Variants in STT3B observed in about 807,000 individuals in gnomAD.
The protein encoded by STT3B is dolichyl-diphosphooligosaccharide--protein glycosyltransferase subunit STT3B.
In STT3B, 29 loss-of-function variants were observed where a neutral mutation model predicts 96.8. That is an observed-to-expected ratio of 0.30 (90% CI 0.22 to 0.41). The LOEUF is 0.41. Ranked by LOEUF, STT3B falls within the 10% of genes least tolerant of loss-of-function variation. The probability of loss-of-function intolerance (pLI) is 1.00; values close to 1 mark genes in which losing one functional copy is unlikely to be tolerated. For synonymous variants in STT3B, 367 were observed against 360.0 expected, an observed-to-expected ratio of 1.02 and a Z score of -0.22; for missense variants, 640 against 1,022.3, an observed-to-expected ratio of 0.63 and a Z score of 5.10.
chr3:31,572,517 G>A (rs1430887240), intron 1 of STT3B, among the ~76,000 whole-genome samples: 1 of 152,094 alleles, frequency 6.6e-6, no homozygotes, highest in African/African-American at 2.4e-5. Flanking sequence ...CAATGTAATT[G>A]TTCTTACTAT....
intron 1 of STT3B, among the ~76,000 whole-genome samples, chr3:31,559,465 C>T (rs918597124): frequency 6.6e-6 from 1 of 151,574 alleles, no homozygotes; most frequent in Non-Finnish European, 1.5e-5. Context: ...CACCCAGTGG[C>T]CATTTGGGAG....
chr3:31,554,826 C>G (rs1185569555), intron 1 of STT3B, among the ~76,000 whole-genome samples: 1 of 152,120 alleles, frequency 6.6e-6, no homozygotes, highest in African/African-American at 2.4e-5. Context: ...ATTTTGCCAG[C>G]TGCTGGTTTT....
rs765539767 is a variant in STT3B at position 31,622,175 on chromosome 3, G to A, written c.1406G>A (p.Cys469Tyr). ...RLMLTLTPVVCMLSAIAFSNV... is the reference protein window; with the variant it reads ...RLMLTLTPVVYMLSAIAFSNV... ...ATGTTGACTTTGACTCCAGTCGTGT[G>A]TATGCTGTCTGCAATTGCCTTTTCA... is the stretch of plus-strand genomic sequence containing the variant. The change falls in exon 10 of 16, where the codon TGT (cysteine) becomes TAT (tyrosine). Residue 469 changes from cysteine (C) to tyrosine (Y), a missense_variant. Cys to Tyr is a radical substitution (Grantham distance 194). Coordinates refer to ENST00000295770, the MANE Select transcript of STT3B (RefSeq NM_178862.3). 1 of 1,614,100 alleles carries A rather than the reference G, an allele frequency of 6.2e-7. No homozygotes were observed. The highest frequency in any genetic ancestry group is 8.5e-7 in the Non-Finnish European group (1 of 1,179,966).
chr3:31,558,163 C>G (rs1235133946), intron 1 of STT3B, among the ~76,000 whole-genome samples: 1 of 152,142 alleles, frequency 6.6e-6, no homozygotes, highest in Non-Finnish European at 1.5e-5. Context: ...AATTTGGATG[C>G]CTTTTACTTT....
rs1699760374 is a variant in STT3B, at chr3:31,636,693, G to GT, written c.*636dup. On this transcript the variant is annotated 3_prime_UTR_variant, in exon 16 of 16. Transcript: ENST00000295770. ...TCTGAGTAGCTAATTGATTCAAGTA[G>GT]TTTTTTTATGTTGACACATTATTAC... 1 of 152,136 alleles carries GT rather than the reference G, an allele frequency of 6.6e-6. No individual in the cohort carries two copies. Among genetic ancestry groups the GT allele is most frequent in the Non-Finnish European group, 1.5e-5 (1 of 68,020 alleles). 9.4% of individuals were successfully genotyped at this position (152,136 alleles called of 1,614,324 possible).
intron 3 of STT3B, among the ~76,000 whole-genome samples, chr3:31,593,875 A>T (rs1698726602): frequency 6.6e-6 from 1 of 152,110 alleles, no homozygotes; most frequent in Admixed American, 6.5e-5. Flanking sequence ...TCTAACTCCA[A>T]CATCTGGGCC....
chr3:31,580,307 G>T (rs926035367), intron 3 of STT3B, among the ~76,000 whole-genome samples: 5 of 152,044 alleles, frequency 3.3e-5, no homozygotes, highest in South Asian at 2.1e-4. Flanking sequence ...AAATAAGTCA[G>T]AACTCCAAAA....
At chr3:31,624,705 G>T (rs1699498660) in intron 11 of STT3B, among the ~76,000 whole-genome samples, 3 of 150,390 alleles carry the variant, frequency 2.0e-5, no homozygotes, top group South Asian at 4.2e-4. Flanking sequence ...AGATATGCAG[G>T]TGGTTTGTGC....
intron 3 of STT3B, among the ~76,000 whole-genome samples, chr3:31,581,091 G>A (rs1698373870): frequency 6.6e-6 from 1 of 152,124 alleles, no homozygotes; most frequent in South Asian, 2.1e-4. Context: ...GATAAAATAT[G>A]TGCAGTATGA....
At chr3:31,552,468 A>T (rs1388850908) in intron 1 of STT3B, among the ~76,000 whole-genome samples, 1 of 152,212 alleles carries the variant, frequency 6.6e-6, no homozygotes. Context: ...CTTTTTAGGA[A>T]TCCTTATTTG....
chr3:31,613,592 GT>G, intron 5 of STT3B, among the ~76,000 whole-genome samples: 1 of 152,090 alleles, frequency 6.6e-6, no homozygotes, highest in East Asian at 1.9e-4. Flanking sequence ...AGCTTTTGCT[GT>G]TAAGTAGTTG....
chr3:31,594,652 C>A (rs1698745925), intron 3 of STT3B, among the ~76,000 whole-genome samples: 1 of 151,772 alleles, frequency 6.6e-6, no homozygotes, highest in African/African-American at 2.4e-5. Context: ...ATGGTCTCGA[C>A]CTCGTGATCC....
At chr3:31,575,475 GA>G (rs1698244711) in intron 1 of STT3B, among the ~76,000 whole-genome samples, 1 of 151,600 alleles carries the variant, frequency 6.6e-6, no homozygotes, top group Non-Finnish European at 1.5e-5. Context: ...TTGGGGGGGG[GA>G]TATGTTGCTT....
At chr3:31,586,394 T>C (rs1471965410) in intron 3 of STT3B, among the ~76,000 whole-genome samples, 2 of 152,150 alleles carry the variant, frequency 1.3e-5, no homozygotes, top group Non-Finnish European at 2.9e-5. Flanking sequence ...CAGAAAATTT[T>C]GATTTTTATG....
In STT3B at chr3:31,602,965, T is replaced by A. The variant is rs537324135; in HGVS notation, c.877+2506T>A. On this transcript the variant is annotated intron_variant, in intron 5 of 15. Coordinates refer to ENST00000295770, the MANE Select transcript of STT3B (RefSeq NM_178862.3). ...TCCTTCATCCAGAGTGTGTCAGGAT[T>A]TAAGTTCAATTTCTCTTAACTTAAT... is the stretch of plus-strand genomic sequence containing the variant. Among the ~76,000 whole-genome samples, 12 of 152,224 alleles carry A rather than the reference T, an allele frequency of 7.9e-5. No homozygotes were observed. In the South Asian group the frequency reaches 2.5e-3, roughly 32 times the overall value.
chr3:31,534,605 G>GA (rs1697038376), intron 1 of STT3B, among the ~76,000 whole-genome samples: 2 of 152,252 alleles, frequency 1.3e-5, no homozygotes, highest in South Asian at 4.1e-4. Context: ...TGTTCGGGTG[G>GA]AGGGGGGCAG....
intron 1 of STT3B, among the ~76,000 whole-genome samples, chr3:31,549,369 T>C (rs112608923): frequency 2.0e-4 from 30 of 152,192 alleles, no homozygotes; most frequent in African/African-American, 7.2e-4. Context: ...ACTTCTATGA[T>C]AGTTAAGTTC....
intron 13 of STT3B, among the ~76,000 whole-genome samples, chr3:31,627,711 G>T (rs1553608770): frequency 6.6e-6 from 1 of 152,028 alleles, no homozygotes; most frequent in African/African-American, 2.4e-5. Context: ...TTATTTTTTT[G>T]TATTAATCTT....
At chr3:31,588,988 AAATT>A (rs984410310) in intron 3 of STT3B, among the ~76,000 whole-genome samples, 2 of 152,026 alleles carry the variant, frequency 1.3e-5, no homozygotes, top group African/African-American at 4.8e-5. Flanking sequence ...ATAAACATTC[AAATT>A]GATTTGTTGA....
Sources: gnomAD v4.1 joint callset for allele counts (sites outside exome capture counted in the v4.1 genomes callset) on GRCh38, gnomAD v4.1.1 for gene constraint, MANE v1.5 for transcripts, NCBI Gene and HGNC (gene_info 2026-07-23, HGNC 2026-07-21) for gene names.